Variants in CSMD3 observed in about 807,000 individuals in gnomAD.
CSMD3 encodes the protein CUB and sushi domain-containing protein 3.
CSMD3 carries 177 observed loss-of-function variants against 435.2 expected under a neutral mutation model. The observed-to-expected ratio is 0.41, with a 90% CI of 0.36 to 0.46. The LOEUF is 0.46. CSMD3 is among the 20% of genes least tolerant of loss of function. The pLI is 0.34. For synonymous variants in CSMD3, 1,656 were observed against 1,520.5 expected, an observed-to-expected ratio of 1.09 and a Z score of -2.07; for missense variants, 4,265 against 4,504.6, an observed-to-expected ratio of 0.95 and a Z score of 1.52.
At chr8:112,382,270 C>A (rs1305090585) in intron 37 of CSMD3, among the ~76,000 whole-genome samples, 3 of 144,390 alleles carry the variant, frequency 2.1e-5, no homozygotes, top group African/African-American at 7.6e-5. Flanking sequence ...GGCAATAGAG[C>A]CAGACCCTGT....
chr8:113,118,803 G>A (rs2090908108), intron 4 of CSMD3, among the ~76,000 whole-genome samples: 3 of 152,086 alleles, frequency 2.0e-5, no homozygotes, highest in Admixed American at 2.0e-4. Context: ...TTCCAGCAAG[G>A]TGATGGCACA....
chr8:112,535,653 C>T (rs1374831803), intron 27 of CSMD3, among the ~76,000 whole-genome samples: 1 of 151,926 alleles, frequency 6.6e-6, no homozygotes, highest in Non-Finnish European at 1.5e-5. Context: ...ACTTTCTTCA[C>T]AGAATTGGAA....
chr8:113,216,357 T>C (rs541767583), intron 3 of CSMD3, among the ~76,000 whole-genome samples: 76 of 151,986 alleles, frequency 5.0e-4, no homozygotes, highest in Non-Finnish European at 9.6e-4. Context: ...TATTTTCATA[T>C]GGGCATTGAG....
At chr8:113,035,316 A>T (rs2087296172) in intron 5 of CSMD3, among the ~76,000 whole-genome samples, 1 of 152,080 alleles carries the variant, frequency 6.6e-6, no homozygotes, top group African/African-American at 2.4e-5. Flanking sequence ...ATAAGGCAGT[A>T]TTATAAACAA....
Position 113,167,447 on chromosome 8 carries a change from A to T in CSMD3, c.709+6275T>A, listed in dbSNP as rs544917644. Among the ~76,000 whole-genome samples the T allele has an allele frequency of 5.3e-5, 8 of 152,222 alleles. No individual in the cohort carries two copies. The South Asian group carries it at 1.5e-3, about 28-fold the overall frequency. On this transcript the variant is annotated intron_variant, in intron 4 of 70. Transcript: ENST00000297405. ...TAATACATGGCAGAAATATAAATCA[A>T]CTCGTAGGTCTTCTACCCCTAAAGA...
chr8:112,553,122 T>C (rs1827830992), intron 25 of CSMD3, among the ~76,000 whole-genome samples: 1 of 152,088 alleles, frequency 6.6e-6, no homozygotes, highest in African/African-American at 2.4e-5. Context: ...GAAAAACTAA[T>C]CTTTACTGCA....
chr8:112,458,215 C>CACACACACACACACACA lies in CSMD3; in HGVS notation c.5395+14375_5395+14376insTGTGTGTGTGTGTGTGT, dbSNP rs1554579456. ...TACGTACACACACACACACTCACAC[C>CACACACACACACACACA]CACACACACACAGAGAAACAGAGAT... On this transcript the variant is annotated intron_variant, in intron 32 of 70. Coordinates refer to ENST00000297405, the MANE Select transcript of CSMD3 (RefSeq NM_198123.2). Among the ~76,000 whole-genome samples, 1,013 of 150,784 alleles carry CACACACACACACACACA rather than the reference C, an allele frequency of 6.7e-3. 10 individuals carry two copies. Among genetic ancestry groups the CACACACACACACACACA allele is most frequent in the South Asian group, 0.017 (83 of 4,792 alleles).
chr8:112,287,279 C>G (rs778898858), intron 57 of CSMD3, 33 bp from the exon 58 acceptor site: 2 of 1,607,216 alleles, frequency 1.2e-6, no homozygotes, highest in South Asian at 2.2e-5. Context: ...TTAACCAATT[C>G]CCATAAACAT....
intron 61 of CSMD3, among the ~76,000 whole-genome samples, chr8:112,256,628 C>T (rs1815828598): frequency 1.3e-5 from 2 of 152,096 alleles, no homozygotes; most frequent in Non-Finnish European, 2.9e-5. Context: ...ACAACACAGG[C>T]AAATGCACCT....
chr8:112,491,174 A>C (rs1352129589), intron 31 of CSMD3, among the ~76,000 whole-genome samples: 1 of 152,204 alleles, frequency 6.6e-6, no homozygotes, highest in Non-Finnish European at 1.5e-5. Context: ...CAACTAGGAA[A>C]AATTACTATG....
chr8:112,520,219 T>C (rs1052246853), intron 27 of CSMD3, among the ~76,000 whole-genome samples: 4 of 152,054 alleles, frequency 2.6e-5, no homozygotes, highest in African/African-American at 7.2e-5. Flanking sequence ...ATAGCAATAA[T>C]TACTCTCTGT....
At chr8:112,232,458 A>C (rs1019879285) in intron 68 of CSMD3, among the ~76,000 whole-genome samples, 2 of 152,100 alleles carry the variant, frequency 1.3e-5, no homozygotes, top group Admixed American at 6.5e-5. Context: ...AAATTACAAA[A>C]ATTAGCCAGG....
At chr8:112,929,987 G>A (rs2083054366) in intron 9 of CSMD3, among the ~76,000 whole-genome samples, 3 of 151,842 alleles carry the variant, frequency 2.0e-5, no homozygotes, top group African/African-American at 4.8e-5. Flanking sequence ...GAAAGAAAGT[G>A]GTTAAGATTA....
chr8:112,658,648 G>T (rs2075309461), intron 17 of CSMD3, among the ~76,000 whole-genome samples: 1 of 152,010 alleles, frequency 6.6e-6, no homozygotes, highest in Non-Finnish European at 1.5e-5. Flanking sequence ...TTAAATAAAT[G>T]ATCATATACT....
intron 27 of CSMD3, among the ~76,000 whole-genome samples, chr8:112,524,572 T>G (rs1170193786): frequency 1.3e-5 from 2 of 152,002 alleles, no homozygotes; most frequent in Non-Finnish European, 2.9e-5. Flanking sequence ...AGAGGAATAG[T>G]AGATGTGAAC....
chr8:113,127,103 A>G (rs9642818), intron 4 of CSMD3, among the ~76,000 whole-genome samples: 103,415 of 151,848 alleles, frequency 0.68, 37,038 homozygotes, highest in East Asian at 0.95. Context: ...TATACAAATG[A>G]ACTCTTTGAG....
At chr8:112,943,306 T>G (rs1190480916) in intron 9 of CSMD3, among the ~76,000 whole-genome samples, 1 of 151,792 alleles carries the variant, frequency 6.6e-6, no homozygotes, top group Non-Finnish European at 1.5e-5. Context: ...CAGTGCTTTT[T>G]ATAGAGCAGA....
intron 1 of CSMD3, among the ~76,000 whole-genome samples, chr8:113,389,115 C>T (rs1055924826): frequency 6.6e-6 from 1 of 151,526 alleles, no homozygotes; most frequent in African/African-American, 2.4e-5. Context: ...GTTTGTGTGA[C>T]TCAGTATGAT....
chr8:112,284,634 A>G (rs982859367), intron 58 of CSMD3, among the ~76,000 whole-genome samples: 4 of 151,966 alleles, frequency 2.6e-5, no homozygotes, highest in Non-Finnish European at 4.4e-5. Context: ...TTCCTAGTGT[A>G]AGATTGTTCC....
Sources: gnomAD v4.1 joint callset for allele counts (sites outside exome capture counted in the v4.1 genomes callset) on GRCh38, gnomAD v4.1.1 for gene constraint, MANE v1.5 for transcripts, NCBI Gene and HGNC (gene_info 2026-07-23, HGNC 2026-07-21) for gene names.